PIK3CD: variants seen among roughly 807,000 people sequenced by gnomAD.
PIK3CD encodes the protein phosphatidylinositol-4,5-bisphosphate 3-kinase catalytic subunit delta, also known as phosphatidylinositol 4,5-bisphosphate 3-kinase catalytic subunit delta isoform.
In PIK3CD, 20 loss-of-function variants were observed where a neutral mutation model predicts 122.9. The observed-to-expected ratio is 0.16, with a 90% CI of 0.11 to 0.24. The LOEUF is 0.24. PIK3CD is among the 10% of genes least tolerant of loss of function. The pLI, the probability that PIK3CD is intolerant of heterozygous loss-of-function variation, is 1.00. For synonymous variants in PIK3CD, 596 were observed against 593.4 expected, an observed-to-expected ratio of 1.00 and a Z score of -0.06; for missense variants, 787 against 1,406.3, an observed-to-expected ratio of 0.56 and a Z score of 7.04.
In PIK3CD at chr1:9,654,587, A is replaced by C. The variant is rs923377762; in HGVS notation, c.-138+2785A>C. On this transcript the variant is annotated intron_variant, in intron 1 of 23. Coordinates refer to ENST00000377346, the MANE Select transcript of PIK3CD (RefSeq NM_005026.5). Reference sequence around the variant, plus strand: ...CTTCATCTTGTTTTACTTAAATTGCACAGTGAAAGGGAGAAGTGAATGTGC... The same window carrying C: ...CTTCATCTTGTTTTACTTAAATTGCCCAGTGAAAGGGAGAAGTGAATGTGC... The C allele has an allele frequency of 2.0e-5, 8 of 392,788 alleles. No individual in the cohort carries two copies. In the East Asian group the frequency reaches 5.1e-4, roughly 25 times the overall value. 24.3% of individuals were successfully genotyped at this position (392,788 alleles called of 1,614,324 possible). A position where few individuals can be genotyped will look rare whatever the true frequency, so the allele number is the denominator to read the frequency against.
intron 3 of PIK3CD, among the ~76,000 whole-genome samples, chr1:9,712,246 A>G (rs915805686): frequency 6.6e-6 from 1 of 152,028 alleles, no homozygotes; most frequent in African/African-American, 2.4e-5. Flanking sequence ...GGGCTGTGGG[A>G]GGGCAGGACC....
intron 1 of PIK3CD, among the ~76,000 whole-genome samples, chr1:9,655,585 A>G (rs1644828848): frequency 6.6e-6 from 1 of 151,128 alleles, no homozygotes; most frequent in African/African-American, 2.4e-5. Context: ...CACTGGCTGG[A>G]TATGCGTGAA....
At chr1:9,684,796 T>TGATA (rs1159799045) in intron 1 of PIK3CD, among the ~76,000 whole-genome samples, 4 of 133,628 alleles carry the variant, frequency 3.0e-5, no homozygotes, top group Non-Finnish European at 6.2e-5. Context: ...CAAGCACCTG[T>TGATA]GATAGCGCCA....
rs772851443 is a variant in PIK3CD, at chr1:9,715,554, G to A, written c.155G>A (p.Arg52His). 30 of 1,613,398 alleles carry A rather than the reference G, an allele frequency of 1.9e-5. No homozygotes were observed. Among genetic ancestry groups the A allele is most frequent in the East Asian group, 8.9e-5 (4 of 44,880 alleles). Residue 52 changes from arginine (R) to histidine (H), a missense_variant, in exon 4 of 24, where the codon CGC (arginine) becomes CAC (histidine). By Grantham distance (29) the Arg-to-His change is conservative. Around this residue, in one of 6 missense-constraint regions of PIK3CD, gnomAD observed 592 missense variants for 920.6 expected, o/e 0.64. Coordinates refer to ENST00000377346, the MANE Select transcript of PIK3CD (RefSeq NM_005026.5). The surrounding 1 kb of genome is among the most constrained non-coding windows in gnomAD (Gnocchi z 4.1). Reference protein sequence around the residue: ...LSTIKQLLWHRAQYEPLFHML... With the variant: ...LSTIKQLLWHHAQYEPLFHML... ...CTGTCCCTCCAGCTGCTGTGGCACC[G>A]CGCCCAGTATGAGCCGCTCTTCCAC...
the PIK3CD span, among the ~76,000 whole-genome samples, chr1:9,645,658 G>A: frequency 6.7e-6 from 1 of 149,966 alleles, no homozygotes; most frequent in East Asian, 2.0e-4. Flanking sequence ...CCAGACTGGA[G>A]TGCAATGGCA....
intron 1 of PIK3CD, among the ~76,000 whole-genome samples, chr1:9,655,770 C>T (rs565373027): frequency 2.7e-5 from 4 of 146,442 alleles, no homozygotes; most frequent in African/African-American, 1.0e-4. Flanking sequence ...TGATCTCGGC[C>T]CACTGCAACC....
chr1:9,721,364 G>A, intron 14 of PIK3CD, 80 bp from the exon 15 acceptor site: 1 of 1,607,948 alleles, frequency 6.2e-7, no homozygotes. Flanking sequence ...CTCCTGCCTG[G>A]CCTCCCTCTG....
At chr1:9,657,363 A>T (rs564660954) in intron 1 of PIK3CD, among the ~76,000 whole-genome samples, 1 of 152,118 alleles carries the variant, frequency 6.6e-6, no homozygotes, top group Non-Finnish European at 1.5e-5. Flanking sequence ...TTACAGATAA[A>T]CAGGAATGTC....
intron 1 of PIK3CD, among the ~76,000 whole-genome samples, chr1:9,656,178 A>G (rs1644851419): frequency 6.6e-6 from 1 of 152,088 alleles, no homozygotes; most frequent in African/African-American, 2.4e-5. Flanking sequence ...GCAGAAAGGG[A>G]TAGACCTATT....
intron 2 of PIK3CD, among the ~76,000 whole-genome samples, chr1:9,709,384 AT>A (rs1043548527): frequency 6.6e-6 from 1 of 150,516 alleles, no homozygotes; most frequent in South Asian, 2.2e-4. Flanking sequence ...GACCAAAGCC[AT>A]TTTTAAGCCT....
At chr1:9,678,217 AC>A (rs1403016748) in intron 1 of PIK3CD, among the ~76,000 whole-genome samples, 1 of 152,092 alleles carries the variant, frequency 6.6e-6, no homozygotes, top group East Asian at 1.9e-4. Flanking sequence ...TAGTCCTAGT[AC>A]TTTGGGAGGC....
chr1:9,632,239 C>T, the PIK3CD span, among the ~76,000 whole-genome samples: 386 of 152,140 alleles, frequency 2.5e-3, 2 homozygotes, highest in African/African-American at 8.8e-3. Flanking sequence ...CTCAAACTCC[C>T]GACCTCAGGT....
At chr1:9,695,975 C>CTTTT (rs577549219) in intron 2 of PIK3CD, among the ~76,000 whole-genome samples, 2 of 143,810 alleles carry the variant, frequency 1.4e-5, no homozygotes, top group African/African-American at 5.1e-5. Context: ...ACATTAAAGA[C>CTTTT]TTTTTTTTTT....
chr1:9,699,964 C>T (rs1646566242), intron 2 of PIK3CD, among the ~76,000 whole-genome samples: 1 of 152,168 alleles, frequency 6.6e-6, no homozygotes, highest in African/African-American at 2.4e-5. Flanking sequence ...CCTTCTCTCA[C>T]TTGAGCCTCA....
chr1:9,716,131 C>T, intron 5 of PIK3CD, 53 bp downstream of exon 5: 1 of 1,436,192 alleles, frequency 7.0e-7, no homozygotes, highest in Non-Finnish European at 9.7e-7. Context: ...ATGGGGAGCA[C>T]TTCCTCTGTG....
Position 9,721,586 on chromosome 1 carries a change from C to A in PIK3CD, c.1954C>A (p.Arg652Ser). The change falls in exon 15 of 24, where the codon CGC (arginine) becomes AGC (serine). Residue 652 changes from arginine (R) to serine (S), a missense_variant and splice_region_variant. Arg to Ser is a moderately radical substitution (Grantham distance 110). Transcript: ENST00000377346. ...KIGHFLFWHLRSEMHVPSVAL... is the reference protein window; with the variant it reads ...KIGHFLFWHLSSEMHVPSVAL... ...CGGCCACTTCCTTTTCTGGCACCTC[C>A]GGTAGCGGGACTTGCCCCAGCCGTT... 1 of 1,612,960 alleles carries A rather than the reference C, an allele frequency of 6.2e-7. No homozygotes were observed. The highest frequency in any genetic ancestry group is 8.5e-7 in the Non-Finnish European group (1 of 1,180,020).
chr1:9,677,643 TA>T lies in PIK3CD; in HGVS notation c.-137-13802del, dbSNP rs769155771. Among the ~76,000 whole-genome samples, 769 of 90,422 alleles carry T rather than the reference TA, an allele frequency of 8.5e-3. 6 individuals are homozygous for T. The highest frequency in any genetic ancestry group is 0.019 in the African/African-American group (456 of 24,400). The allele number at this position is 90,422 out of a possible 152,430, so 59.3% of individuals were successfully genotyped here. On this transcript the variant is annotated intron_variant, in intron 1 of 23. Coordinates refer to ENST00000377346, the MANE Select transcript of PIK3CD (RefSeq NM_005026.5). ...CTGAGTGAAAAAGTGAGACCCTGTC[TA>T]AAAAAAAAAAAAAAAAAAAAATTAC... is the stretch of plus-strand genomic sequence containing the variant.
chr1:9,706,932 G>C (rs1170459368), intron 2 of PIK3CD, among the ~76,000 whole-genome samples: 2 of 150,660 alleles, frequency 1.3e-5, no homozygotes, highest in Non-Finnish European at 1.5e-5. Flanking sequence ...CAGCTTCCAA[G>C]TAGCTGCGAC....
In PIK3CD at chr1:9,710,472, A is replaced by T; in HGVS notation, c.17A>T (p.Asp6Val). The T allele has an allele frequency of 6.2e-7, 1 of 1,614,140 alleles. No homozygotes were observed. The highest frequency in any genetic ancestry group is 8.5e-7 in the Non-Finnish European group (1 of 1,180,002). ...CAACGCAGGATGCCCCCTGGGGTGG[A>T]CTGCCCCATGGAATTCTGGACCAAG... MPPGV[D>V]CPMEFWTKEE... Residue 6 changes from aspartate (D) to valine (V), a missense_variant, in exon 3 of 24, where the codon GAC (aspartate) becomes GTC (valine). Asp to Val is a radical substitution (Grantham distance 152, BLOSUM62 -3). This residue lies in a region of PIK3CD where 592 missense variants were observed against 920.6 expected (regional missense o/e 0.64). Coordinates refer to ENST00000377346, the MANE Select transcript of PIK3CD (RefSeq NM_005026.5). This position sits in a 1 kb window ranked among gnomAD's most constrained non-coding sequence, Gnocchi z 4.7.
Sources: gnomAD v4.1 joint callset for allele counts (sites outside exome capture counted in the v4.1 genomes callset) on GRCh38, gnomAD v4.1.1 for gene constraint, gnomAD v4.1.1 regional missense constraint, Gnocchi (gnomAD v3.1) non-coding constraint, MANE v1.5 for transcripts, NCBI Gene and HGNC (gene_info 2026-07-23, HGNC 2026-07-21) for gene names.